Variants in RBFOX1 observed in about 807,000 individuals in gnomAD.
RBFOX1 encodes the protein RNA binding fox-1 homolog 1.
RBFOX1 carries 8 observed loss-of-function variants against 57.7 expected under a neutral mutation model. The ratio of observed to expected loss-of-function variants is 0.14; its 90% CI spans 0.08 to 0.25. The LOEUF (loss-of-function observed/expected upper bound fraction) is 0.25, where lower values mean the gene tolerates loss of function less well. RBFOX1 is among the 10% of genes least tolerant of loss of function. The pLI is 1.00. For synonymous variants in RBFOX1, 326 were observed against 222.4 expected (o/e 1.47, Z -4.15); for missense variants, 611 against 548.5 (o/e 1.11, Z -1.14).
intron 4 of RBFOX1, among the ~76,000 whole-genome samples, chr16:7,298,285 G>GTTTTTTTTTT (rs201092743): frequency 5.4e-3 from 518 of 96,342 alleles, no homozygotes; most frequent in Middle Eastern, 9.6e-3. Flanking sequence ...GTTTTTTTTT[G>GTTTTTTTTTT]TTTTTTTTTT....
chr16:5,551,463 C>A (rs1185360047), intron 2 of RBFOX1, among the ~76,000 whole-genome samples: 1 of 152,180 alleles, frequency 6.6e-6, no homozygotes, highest in African/African-American at 2.4e-5. Flanking sequence ...GTGCTGCCTG[C>A]TGCAGCCAGG....
chr16:5,559,165 CAAAAAAAAAAAAA>C (rs35531242), intron 2 of RBFOX1, among the ~76,000 whole-genome samples: 3 of 65,384 alleles, frequency 4.6e-5, no homozygotes, highest in Admixed American at 2.1e-4. Context: ...CCCCCCCAGG[CAAAAAAAAAAAAA>C]AAAAAAAAAA....
At chr16:5,586,196 C>G (rs1383505919) in intron 2 of RBFOX1, among the ~76,000 whole-genome samples, 2 of 152,122 alleles carry the variant, frequency 1.3e-5, no homozygotes, top group African/African-American at 4.8e-5. Flanking sequence ...CACAGAACTT[C>G]TAGAAGGAGC....
intron 3 of RBFOX1, among the ~76,000 whole-genome samples, chr16:6,985,439 G>C (rs1439021342): frequency 6.6e-6 from 1 of 152,184 alleles, no homozygotes; most frequent in Non-Finnish European, 1.5e-5. Flanking sequence ...TTCAGCCCAT[G>C]TGTTCTCAGT....
intron 4 of RBFOX1, among the ~76,000 whole-genome samples, chr16:5,977,803 C>G (rs574356221): frequency 6.6e-6 from 1 of 152,288 alleles, no homozygotes; most frequent in East Asian, 1.9e-4. Context: ...ACACCACCAT[C>G]AAGGTGGCTC....
chr16:7,229,696 G>C (rs1209659301), intron 4 of RBFOX1, among the ~76,000 whole-genome samples: 1 of 91,474 alleles, frequency 1.1e-5, no homozygotes. Context: ...CGAAGGAAGA[G>C]GGGAAGGAAG....
chr16:6,394,429 T>G (rs1482356442), intron 2 of RBFOX1, among the ~76,000 whole-genome samples: 3 of 151,982 alleles, frequency 2.0e-5, no homozygotes, highest in Non-Finnish European at 2.9e-5. Context: ...TGGCTGCTGG[T>G]GGGAGTGGGG....
chr16:7,216,025 G>C (rs1239236620), intron 4 of RBFOX1, among the ~76,000 whole-genome samples: 1 of 152,052 alleles, frequency 6.6e-6, no homozygotes, highest in Non-Finnish European at 1.5e-5. Context: ...GCCCAGCCTG[G>C]ATGTTTTATA....
intron 4 of RBFOX1, among the ~76,000 whole-genome samples, chr16:7,212,919 C>G (rs982888224): frequency 2.6e-5 from 4 of 152,120 alleles, no homozygotes; most frequent in African/African-American, 9.7e-5. Context: ...TACATGTAAC[C>G]TAGTATCTAG....
At chr16:5,565,283 G>A (rs1364757376) in intron 2 of RBFOX1, among the ~76,000 whole-genome samples, 2 of 152,270 alleles carry the variant, frequency 1.3e-5, no homozygotes, top group East Asian at 1.9e-4. Flanking sequence ...GTGTGCACGT[G>A]CGTGCGTGTG....
intron 4 of RBFOX1, among the ~76,000 whole-genome samples, chr16:7,444,878 A>G (rs979725857): frequency 6.6e-6 from 1 of 152,164 alleles, no homozygotes; most frequent in African/African-American, 2.4e-5. Context: ...GTCTGGGTGA[A>G]TGCAGATAGA....
chr16:7,298,502 G>T (rs1185743425), intron 4 of RBFOX1, among the ~76,000 whole-genome samples: 1 of 151,966 alleles, frequency 6.6e-6, no homozygotes, highest in Admixed American at 6.6e-5. Flanking sequence ...ATCTTGGCCA[G>T]TCTCATCTTG....
At chr16:7,036,943 A>T (rs1318801405) in intron 3 of RBFOX1, among the ~76,000 whole-genome samples, 8 of 152,242 alleles carry the variant, frequency 5.3e-5, no homozygotes, top group South Asian at 2.1e-4. Flanking sequence ...CAAGGAGTAG[A>T]TTATTCATGC....
At chr16:7,158,855 ATG>A (rs1328789864) in intron 4 of RBFOX1, among the ~76,000 whole-genome samples, 6 of 151,754 alleles carry the variant, frequency 4.0e-5, no homozygotes, top group African/African-American at 1.2e-4. Flanking sequence ...GTGTGTGTGC[ATG>A]TGTGTGTATG....
At chr16:5,663,015 G>C in intron 3 of RBFOX1, among the ~76,000 whole-genome samples, 1 of 152,184 alleles carries the variant, frequency 6.6e-6, no homozygotes, top group African/African-American at 2.4e-5. Flanking sequence ...TTGCCTCCCA[G>C]AGGGCAGTTG....
At chr16:6,572,309 A>G (rs1291184902) in intron 2 of RBFOX1, among the ~76,000 whole-genome samples, 1 of 152,184 alleles carries the variant, frequency 6.6e-6, no homozygotes, top group African/African-American at 2.4e-5. Flanking sequence ...GTTGTCTGAG[A>G]TCTAGTTATG....
chr16:7,605,087 C>G (rs2095232034), intron 9 of RBFOX1, among the ~76,000 whole-genome samples: 1 of 152,058 alleles, frequency 6.6e-6, no homozygotes. Flanking sequence ...TTATTTTCAA[C>G]TAGTTTTTTG....
chr16:5,245,478 G>A (rs368815602), intron 1 of RBFOX1, among the ~76,000 whole-genome samples: 2 of 152,348 alleles, frequency 1.3e-5, no homozygotes, highest in East Asian at 3.9e-4. Flanking sequence ...GATTGCCTGG[G>A]ATGAGAGTGG....
chr16:7,128,469 G>A (rs1477549450), intron 4 of RBFOX1, among the ~76,000 whole-genome samples: 3 of 152,178 alleles, frequency 2.0e-5, no homozygotes, highest in Admixed American at 2.0e-4. Flanking sequence ...ACATCAGCGG[G>A]GATAGTTCGG....
Sources: gnomAD v4.1 joint callset for allele counts (sites outside exome capture counted in the v4.1 genomes callset) on GRCh38, gnomAD v4.1.1 for gene constraint, MANE v1.5 for transcripts, NCBI Gene and HGNC (gene_info 2026-07-23, HGNC 2026-07-21) for gene names.